The following ST18 variants were observed in gnomAD, a reference collection of about 807,000 sequenced individuals.
ST18 encodes suppression of tumorigenicity 18 protein.
ST18 carries 50 observed loss-of-function variants against 110.0 expected under a neutral mutation model. The observed-to-expected ratio is 0.45, with a 90% CI of 0.36 to 0.58. The LOEUF is 0.58. Ranked by LOEUF, ST18 falls within the 20% of genes least tolerant of loss-of-function variation. The probability of loss-of-function intolerance (pLI) is 0.00; values close to 1 mark genes in which losing one functional copy is unlikely to be tolerated. For missense variants in ST18, 1,306 were observed against 1,280.1 expected (o/e 1.02, Z -0.31); for synonymous variants, 461 against 452.4 (o/e 1.02, Z -0.24).
intron 23 of ST18, among the ~76,000 whole-genome samples, chr8:52,124,791 G>A (rs2131087924): frequency 6.6e-6 from 1 of 152,232 alleles, no homozygotes; most frequent in Non-Finnish European, 1.5e-5. Flanking sequence ...AGGACCCATG[G>A]AGGGAGAGAA....
intron 8 of ST18, among the ~76,000 whole-genome samples, chr8:52,210,292 G>C (rs1254016657): frequency 1.3e-5 from 2 of 152,136 alleles, no homozygotes; most frequent in South Asian, 4.1e-4. Flanking sequence ...AATGAGCAAG[G>C]TTATTCAACA....
chr8:52,192,229 C>T (rs1376448295), intron 8 of ST18, among the ~76,000 whole-genome samples: 1 of 152,174 alleles, frequency 6.6e-6, no homozygotes, highest in Non-Finnish European at 1.5e-5. Context: ...CAACATGGCA[C>T]CATTCCTGGA....
intron 2 of ST18, among the ~76,000 whole-genome samples, chr8:52,270,959 C>T (rs1423850173): frequency 6.6e-6 from 1 of 151,402 alleles, no homozygotes; most frequent in East Asian, 1.9e-4. Context: ...GGCTGGAGGG[C>T]ATCTCGGCTC....
chr8:52,178,123 A>G (rs2067641645), intron 9 of ST18, among the ~76,000 whole-genome samples: 2 of 152,198 alleles, frequency 1.3e-5, no homozygotes, highest in African/African-American at 4.8e-5. Context: ...ACAGTGGTCA[A>G]CAAACTACAA....
chr8:52,159,336 T>C (rs1017418804), intron 14 of ST18, among the ~76,000 whole-genome samples: 2 of 152,210 alleles, frequency 1.3e-5, no homozygotes, highest in African/African-American at 4.8e-5. Context: ...ATTCTCTTAA[T>C]ATTTTTGTAT....
At chr8:52,365,254 T>C (rs574570383) in intron 2 of ST18, among the ~76,000 whole-genome samples, 1 of 152,264 alleles carries the variant, frequency 6.6e-6, no homozygotes, top group African/African-American at 2.4e-5. Context: ...TGATTTCTTC[T>C]AATTGAGCTT....
At chr8:52,126,485 G>C (rs900034127) in intron 22 of ST18, among the ~76,000 whole-genome samples, 3 of 152,160 alleles carry the variant, frequency 2.0e-5, no homozygotes, top group African/African-American at 7.2e-5. Context: ...ATGTGAAATT[G>C]TACATATATA....
At chr8:52,290,400 A>G (rs2095537887) in intron 2 of ST18, among the ~76,000 whole-genome samples, 2 of 152,230 alleles carry the variant, frequency 1.3e-5, no homozygotes, top group South Asian at 4.1e-4. Flanking sequence ...GAAGATGCTT[A>G]ATGAGTAAGA....
At chr8:52,305,715 C>G (rs1204596707) in intron 2 of ST18, among the ~76,000 whole-genome samples, 2 of 152,176 alleles carry the variant, frequency 1.3e-5, no homozygotes, top group Admixed American at 6.6e-5. Flanking sequence ...ATCAGCAAAT[C>G]CTCTGGGCTC....
At chr8:52,341,423 T>C (rs1197491800) in intron 2 of ST18, among the ~76,000 whole-genome samples, 1 of 152,182 alleles carries the variant, frequency 6.6e-6, no homozygotes, top group East Asian at 1.9e-4. Context: ...TCTATTTGTG[T>C]TGAGCAGAGT....
chr8:52,240,623 C>T (rs187622529), intron 2 of ST18, among the ~76,000 whole-genome samples: 2 of 152,176 alleles, frequency 1.3e-5, no homozygotes, highest in East Asian at 3.8e-4. Context: ...GGTTCTTTCT[C>T]CTCAGCATAG....
intron 2 of ST18, among the ~76,000 whole-genome samples, chr8:52,297,318 T>A (rs927369208): frequency 5.3e-5 from 8 of 152,230 alleles, no homozygotes; most frequent in Non-Finnish European, 1.0e-4. Context: ...TTGCATCACT[T>A]CACTGGATTC....
rs2129934339 is a variant in ST18, at chr8:52,112,649, G to A, written c.*549C>T. 6.5e-6 allele frequency: 1 copy of A among 152,678 alleles called. No individual in the cohort carries two copies. Among genetic ancestry groups the A allele is most frequent in the East Asian group, 1.9e-4 (1 of 5,182 alleles). The allele number at this position is 152,678 out of a possible 1,614,324, so 9.5% of individuals were successfully genotyped here. ...AATTCATTTATAAATACAAAAATCA[G>A]TGAAAGGTGGGGGAAGAAGTGTGCA... On this transcript the variant is annotated 3_prime_UTR_variant, in exon 26 of 26. Transcript: ENST00000689386.
At chr8:52,163,888 G>A in intron 13 of ST18, 98 bp downstream of exon 13, 3 of 887,810 alleles carry the variant, frequency 3.4e-6, no homozygotes, top group Admixed American at 4.6e-5. Context: ...TGAGAGGGGA[G>A]GTCAAGCCAC....
chr8:52,136,194 T>C (rs184730536), intron 19 of ST18, among the ~76,000 whole-genome samples: 246 of 152,094 alleles, frequency 1.6e-3, no homozygotes, highest in Non-Finnish European at 2.0e-3. Flanking sequence ...CACCCAAGAG[T>C]GAAAGGCAGT....
intron 10 of ST18, chr8:52,171,473 A>T: frequency 4.6e-6 from 2 of 432,616 alleles, no homozygotes; most frequent in South Asian, 3.6e-5. Flanking sequence ...TCCAGTAAAT[A>T]CTGATGTACT....
intron 2 of ST18, among the ~76,000 whole-genome samples, chr8:52,289,582 A>G (rs2095522802): frequency 1.3e-5 from 2 of 152,180 alleles, no homozygotes; most frequent in African/African-American, 4.8e-5. Flanking sequence ...GAGGATTTTG[A>G]TGTTGACCAT....
At chr8:52,239,973 T>A (rs751285538) in intron 2 of ST18, among the ~76,000 whole-genome samples, 1 of 152,098 alleles carries the variant, frequency 6.6e-6, no homozygotes, top group Non-Finnish European at 1.5e-5. Context: ...TTTGTATATT[T>A]TGTAGAGACA....
chr8:52,226,904 A>G (rs2089648844), intron 3 of ST18, among the ~76,000 whole-genome samples: 1 of 152,098 alleles, frequency 6.6e-6, no homozygotes, highest in South Asian at 2.1e-4. Flanking sequence ...TTCCTTATCC[A>G]TCTTTAATAG....
Sources: gnomAD v4.1 joint callset for allele counts (sites outside exome capture counted in the v4.1 genomes callset) on GRCh38, gnomAD v4.1.1 for gene constraint, MANE v1.5 for transcripts, NCBI Gene and HGNC (gene_info 2026-07-23, HGNC 2026-07-21) for gene names.